The following GRIA4 variants were observed in gnomAD, a reference collection of about 807,000 sequenced individuals.
GRIA4 encodes glutamate receptor 4.
In GRIA4, 34 loss-of-function variants were observed where a neutral mutation model predicts 104.0. The observed-to-expected ratio is 0.33, with a 90% CI of 0.25 to 0.44. GRIA4 has a LOEUF of 0.44. GRIA4 is among the 20% of genes least tolerant of loss of function. GRIA4 has a pLI of 1.00. For missense variants in GRIA4, 750 were observed against 1,096.5 expected (o/e 0.68, Z 4.46); for synonymous variants, 386 against 381.9 (o/e 1.01, Z -0.13).
intron 4 of GRIA4, among the ~76,000 whole-genome samples, chr11:105,818,792 C>A (rs1303328351): frequency 6.6e-6 from 1 of 152,106 alleles, no homozygotes; most frequent in Non-Finnish European, 1.5e-5. Flanking sequence ...ATATAAGTAA[C>A]CTTTACTCCA....
chr11:105,955,371 G>A (rs1420745415), intron 14 of GRIA4, among the ~76,000 whole-genome samples: 1 of 152,104 alleles, frequency 6.6e-6, no homozygotes. Flanking sequence ...AGAACATGTG[G>A]TGTTTTGTTT....
At chr11:105,668,479 A>G (rs115541192) in intron 3 of GRIA4, among the ~76,000 whole-genome samples, 1 of 151,306 alleles carries the variant, frequency 6.6e-6, no homozygotes, top group East Asian at 1.9e-4. Context: ...ATATCTCTGC[A>G]AGGTACTAAT....
At chr11:105,853,636 T>G (rs1944900166) in intron 4 of GRIA4, among the ~76,000 whole-genome samples, 1 of 152,176 alleles carries the variant, frequency 6.6e-6, no homozygotes, top group Non-Finnish European at 1.5e-5. Flanking sequence ...TTGACTATTT[T>G]TGATCAGCAG....
intron 5 of GRIA4, among the ~76,000 whole-genome samples, chr11:105,884,076 C>T (rs685725): frequency 0.47 from 71,806 of 152,038 alleles, 16,918 homozygotes; most frequent in Admixed American, 0.51. Context: ...CCGTTTCTTT[C>T]AAAAATATAA....
intron 16 of GRIA4, among the ~76,000 whole-genome samples, chr11:105,977,894 T>G (rs1859067460): frequency 6.6e-6 from 1 of 152,070 alleles, no homozygotes; most frequent in African/African-American, 2.4e-5. Flanking sequence ...AATTATTCTA[T>G]ATGGGTGAGG....
At chr11:105,780,126 C>T (rs1941661183) in intron 4 of GRIA4, among the ~76,000 whole-genome samples, 1 of 152,166 alleles carries the variant, frequency 6.6e-6, no homozygotes, top group South Asian at 2.1e-4. Flanking sequence ...CTTTTAAGCC[C>T]TATTTTCGTT....
intron 3 of GRIA4, among the ~76,000 whole-genome samples, chr11:105,722,628 T>C (rs1468118833): frequency 6.6e-6 from 1 of 152,162 alleles, no homozygotes; most frequent in East Asian, 1.9e-4. Flanking sequence ...ACTTTACTGA[T>C]ACTACTATTT....
intron 3 of GRIA4, among the ~76,000 whole-genome samples, chr11:105,634,096 C>A (rs1294049622): frequency 6.6e-6 from 1 of 151,990 alleles, no homozygotes; most frequent in African/African-American, 2.4e-5. Context: ...TGCCTGTAAT[C>A]CCAGCACTTT....
intron 14 of GRIA4, among the ~76,000 whole-genome samples, chr11:105,955,191 G>A (rs921630188): frequency 1.3e-5 from 2 of 151,472 alleles, no homozygotes; most frequent in East Asian, 1.9e-4. Context: ...TGTGCAGAAC[G>A]TGCAGATTTG....
chr11:105,674,723 G>A (rs1158502146), intron 3 of GRIA4, among the ~76,000 whole-genome samples: 2 of 151,724 alleles, frequency 1.3e-5, no homozygotes, highest in African/African-American at 4.8e-5. Context: ...GGATCCAGAG[G>A]AAAACCTACT....
intron 3 of GRIA4, among the ~76,000 whole-genome samples, chr11:105,702,691 TTTC>T (rs1245258560): frequency 0.026 from 448 of 17,066 alleles, 34 homozygotes; most frequent in African/African-American, 0.073. Context: ...ATTATTTTCC[TTTC>T]TTTTTTTTTT....
chr11:105,623,090 T>TAC (rs1950795334), intron 3 of GRIA4, among the ~76,000 whole-genome samples: 3 of 123,210 alleles, frequency 2.4e-5, no homozygotes, highest in African/African-American at 8.5e-5. Flanking sequence ...TATATATATA[T>TAC]ACCATATTTT....
intron 3 of GRIA4, among the ~76,000 whole-genome samples, chr11:105,752,194 G>T (rs1016999283): frequency 6.6e-6 from 1 of 152,100 alleles, no homozygotes; most frequent in African/African-American, 2.4e-5. Flanking sequence ...GCAACTGGGA[G>T]CATGGACCAA....
chr11:105,724,891 C>T (rs936984916), intron 3 of GRIA4, among the ~76,000 whole-genome samples: 1 of 152,018 alleles, frequency 6.6e-6, no homozygotes, highest in African/African-American at 2.4e-5. Context: ...GGGAAAAAAA[C>T]ATTGTTTGAT....
chr11:105,646,071 A>G (rs181486418), intron 3 of GRIA4, among the ~76,000 whole-genome samples: 50 of 152,336 alleles, frequency 3.3e-4, no homozygotes, highest in Non-Finnish European at 5.6e-4. Flanking sequence ...GATATTATGT[A>G]CAGGAATTGA....
Position 105,946,932 on chromosome 11 carries a change from G to A in GRIA4, c.2294+12963G>A, listed in dbSNP as rs184787233. Among the ~76,000 whole-genome samples the A allele has an allele frequency of 2.5e-3, 382 of 152,276 alleles. 1 individual carries two copies. Among genetic ancestry groups the A allele is most frequent in the Non-Finnish European group, 4.0e-3 (274 of 68,024 alleles). On this transcript the variant is annotated intron_variant, in intron 14 of 16. Coordinates refer to ENST00000282499, the MANE Select transcript of GRIA4 (RefSeq NM_000829.4). ...ACAGGTCTACCATTTTGTTACAAAC[G>A]TGTTTAGAAGCCTTGCAAATCCTTA...
At chr11:105,808,409 A>T in intron 4 of GRIA4, among the ~76,000 whole-genome samples, 1 of 152,110 alleles carries the variant, frequency 6.6e-6, no homozygotes, top group South Asian at 2.1e-4. Context: ...AGAAAAGGCA[A>T]GTATAGATCA....
rs1859214705 is a variant in GRIA4, at chr11:105,980,468, C to T, written c.*729C>T. On this transcript the variant is annotated 3_prime_UTR_variant, in exon 17 of 17. Transcript: ENST00000282499. Reference sequence around the variant, plus strand: ...TTTTTTTATAAAAGTTGTTGGTCATCTTCTTGTTTGCTGTAACCTTCACTA... The same window carrying T: ...TTTTTTTATAAAAGTTGTTGGTCATTTTCTTGTTTGCTGTAACCTTCACTA... The T allele has an allele frequency of 6.6e-6, 1 of 152,542 alleles. No homozygotes were observed. Among genetic ancestry groups the T allele is most frequent in the African/African-American group, 2.4e-5 (1 of 41,420 alleles). 9.4% of individuals were successfully genotyped at this position (152,542 alleles called of 1,614,324 possible).
intron 3 of GRIA4, among the ~76,000 whole-genome samples, chr11:105,724,785 AT>A (rs558507190): frequency 6.6e-6 from 1 of 152,050 alleles, no homozygotes; most frequent in East Asian, 1.9e-4. Flanking sequence ...AAATTTATAA[AT>A]TTTTTTTAAA....
Sources: gnomAD v4.1 joint callset for allele counts (sites outside exome capture counted in the v4.1 genomes callset) on GRCh38, gnomAD v4.1.1 for gene constraint, MANE v1.5 for transcripts, NCBI Gene and HGNC (gene_info 2026-07-23, HGNC 2026-07-21) for gene names.